SLA: variants seen among roughly 807,000 people sequenced by gnomAD.
SLA encodes the protein src-like-adapter.
A neutral mutation model predicts 30.3 loss-of-function variants in SLA; 16 were observed. The ratio of observed to expected loss-of-function variants is 0.53; its 90% CI spans 0.36 to 0.80. SLA has a LOEUF of 0.80. Ranked by LOEUF, SLA falls within the 30% of genes least tolerant of loss-of-function variation. The pLI is 0.01. For synonymous variants in SLA, 143 were observed against 137.8 expected, an observed-to-expected ratio of 1.04 and a Z score of -0.26; for missense variants, 310 against 345.2, an observed-to-expected ratio of 0.90 and a Z score of 0.81.
chr8:133,076,249 A>G (rs1844843366), intron 1 of SLA: 1 of 152,270 alleles, frequency 6.6e-6, no homozygotes, highest in South Asian at 2.1e-4. Context: ...AGCTAGTCCC[A>G]AAGAAGAGCC....
In SLA at chr8:133,097,119, C is replaced by T. The variant is rs535882715; in HGVS notation, c.-319+5434G>A. ...AGCACAAAGAGAGGACAACTCTGGG[C>T]GTGGGTGGAGTGCACCTTCCCCTGC... On this transcript the variant is annotated intron_variant, in intron 1 of 8. Coordinates refer to ENST00000338087, the MANE Select transcript of SLA (RefSeq NM_001045556.3). Among the ~76,000 whole-genome samples the T allele has an allele frequency of 7.2e-5, 11 of 152,306 alleles. 1 individual carries two copies. Among genetic ancestry groups the T allele is most frequent in the African/African-American group, 2.4e-4 (10 of 41,554 alleles).
chr8:133,071,143 A>G (rs569936036), intron 2 of SLA, among the ~76,000 whole-genome samples: 16 of 152,288 alleles, frequency 1.1e-4, no homozygotes, highest in African/African-American at 3.6e-4. Flanking sequence ...TTCGTGTACA[A>G]CAACAGGAGA....
At chr8:133,087,570 G>A (rs975633445) in intron 1 of SLA, 1 of 152,122 alleles carries the variant, frequency 6.6e-6, no homozygotes, top group African/African-American at 2.4e-5. Flanking sequence ...ATTTTGACAA[G>A]GATCAGTCAT....
At chr8:133,043,993 C>T (rs748335067) in intron 7 of SLA, among the ~76,000 whole-genome samples, 2 of 152,160 alleles carry the variant, frequency 1.3e-5, no homozygotes, top group Non-Finnish European at 2.9e-5. Context: ...GGGCCAGGCA[C>T]CCTCCCCACT....
intron 1 of SLA, among the ~76,000 whole-genome samples, chr8:133,078,067 C>T (rs1035390477): frequency 2.6e-5 from 4 of 152,208 alleles, no homozygotes; most frequent in Non-Finnish European, 4.4e-5. Flanking sequence ...GGACTCAGCT[C>T]TGCAGCACGT....
rs1420996637 is a variant in SLA at position 133,059,135 on chromosome 8, A to G, written c.61+965T>C. On this transcript the variant is annotated intron_variant, in intron 3 of 8. Coordinates refer to ENST00000338087, the MANE Select transcript of SLA (RefSeq NM_001045556.3). ...GGCAGACAGGGCAGCCATCTGCGCCAGTGAACTCCGCCCAGGGCGGTGCTG... is the reference window on the plus strand; with the variant it reads ...GGCAGACAGGGCAGCCATCTGCGCCGGTGAACTCCGCCCAGGGCGGTGCTG... The G allele has an allele frequency of 1.8e-5, 8 of 456,310 alleles. No homozygotes were observed. The Admixed American group carries it at 1.9e-4, about 11-fold the overall frequency. 28.3% of individuals were successfully genotyped at this position (456,310 alleles called of 1,614,324 possible). A position where few individuals can be genotyped will look rare whatever the true frequency, so the allele number is the denominator to read the frequency against.
intron 5 of SLA, among the ~76,000 whole-genome samples, chr8:133,048,227 AT>A (rs1049058962): frequency 1.3e-4 from 19 of 150,218 alleles, no homozygotes; most frequent in Admixed American, 6.0e-4. Flanking sequence ...TATTTATGTA[AT>A]TTTTTTTTTG....
At chr8:133,062,062 A>G (rs536481617) in intron 2 of SLA, among the ~76,000 whole-genome samples, 60 of 152,358 alleles carry the variant, frequency 3.9e-4, no homozygotes, top group African/African-American at 6.5e-4. Flanking sequence ...CTCATAGTGC[A>G]CCACAGAAGG....
At chr8:133,059,178 C>T (rs747130684) in intron 3 of SLA, 1 of 455,820 alleles carries the variant, frequency 2.2e-6, no homozygotes, top group Non-Finnish European at 4.4e-6. Flanking sequence ...TGCTGGGAAC[C>T]ATGTGTGGTC....
intron 1 of SLA, among the ~76,000 whole-genome samples, chr8:133,099,948 G>A (rs1030610436): frequency 6.6e-6 from 1 of 152,148 alleles, no homozygotes; most frequent in African/African-American, 2.4e-5. Flanking sequence ...AGTAGCCAGA[G>A]CAATCCCTTT....
chr8:133,062,961 C>T (rs1842594127), intron 2 of SLA, among the ~76,000 whole-genome samples: 1 of 152,254 alleles, frequency 6.6e-6, no homozygotes, highest in Admixed American at 6.5e-5. Flanking sequence ...ATGCCTGCCT[C>T]TGTCCTGCTC....
At chr8:133,066,497 T>C (rs951224279) in intron 2 of SLA, among the ~76,000 whole-genome samples, 1 of 152,186 alleles carries the variant, frequency 6.6e-6, no homozygotes, top group African/African-American at 2.4e-5. Context: ...CCAAGGACTC[T>C]CTCTGGGTAG....
chr8:133,067,192 T>C (rs2739142), intron 2 of SLA, among the ~76,000 whole-genome samples: 127,106 of 152,080 alleles, frequency 0.84, 53,562 homozygotes, highest in African/African-American at 0.94. Context: ...TGCACCTCTC[T>C]GAGTGCGAGG....
At chr8:133,087,074 AC>A (rs1395104966) in intron 1 of SLA, among the ~76,000 whole-genome samples, 13 of 444 alleles carry the variant, frequency 0.029, no homozygotes, top group African/African-American at 0.11. Flanking sequence ...ATATGTTTAC[AC>A]ACACACACAC....
At position 133,037,631 on chromosome 8, in the gene SLA, T is replaced by TA. The variant is rs1262334579; in HGVS notation, c.*892dup. ...AACACCTCTGTTGGGGGTTAGGACTTACGCATCTTTTTTTTTTTTTTGGCT... is the reference window on the plus strand; with the variant it reads ...AACACCTCTGTTGGGGGTTAGGACTTAACGCATCTTTTTTTTTTTTTTGGCT... On this transcript the variant is annotated 3_prime_UTR_variant, in exon 9 of 9. Transcript: ENST00000338087. 2.7e-5 allele frequency: 4 copies of TA among 149,966 alleles called. No homozygotes were observed. In the South Asian group the frequency reaches 8.3e-4, roughly 31 times the overall value. 9.3% of individuals were successfully genotyped at this position (149,966 alleles called of 1,614,324 possible).
At chr8:133,044,807 T>C (rs1838999725) in intron 7 of SLA, among the ~76,000 whole-genome samples, 177 bp downstream of exon 7, 3 of 152,242 alleles carry the variant, frequency 2.0e-5, no homozygotes. Context: ...TAAGGCAACA[T>C]GCACAGGCAG....
rs144038872 is a variant in SLA, at chr8:133,065,130, A to G, written c.-40-4930T>C. ...TGGTGCGGCAAGTGGAGAAGCCTCA[A>G]TGTCCACCATATATGTGAATGCCAA... On this transcript the variant is annotated intron_variant, in intron 2 of 8. Transcript: ENST00000338087. 5.3e-5 allele frequency among the ~76,000 whole-genome samples: 8 copies of G among 152,324 alleles called. No individual in the cohort carries two copies. In the East Asian group the frequency reaches 1.2e-3, roughly 22 times the overall value.
chr8:133,060,494 CA>C, intron 2 of SLA: 1 of 842,346 alleles, frequency 1.2e-6, no homozygotes, highest in Non-Finnish European at 1.7e-6. Context: ...GCAGCCACAG[CA>C]GGGTTTGTGT....
At chr8:133,057,774 C>CAAAAAAAAA (rs5895173) in intron 3 of SLA, among the ~76,000 whole-genome samples, 16 of 141,972 alleles carry the variant, frequency 1.1e-4, no homozygotes, top group Non-Finnish European at 2.1e-4. Flanking sequence ...AAACAAAAAA[C>CAAAAAAAAA]AAAAAAAAAA....
Sources: gnomAD v4.1 joint callset for allele counts (sites outside exome capture counted in the v4.1 genomes callset) on GRCh38, gnomAD v4.1.1 for gene constraint, MANE v1.5 for transcripts, NCBI Gene and HGNC (gene_info 2026-07-23, HGNC 2026-07-21) for gene names.